DOCK3: variants seen among roughly 807,000 people sequenced by gnomAD.
DOCK3 encodes dedicator of cytokinesis 3, also known as dedicator of cytokinesis protein 3.
A neutral mutation model predicts 265.6 loss-of-function variants in DOCK3; 60 were observed. The ratio of observed to expected loss-of-function variants is 0.23; its 90% confidence interval spans 0.18 to 0.28. The LOEUF (loss-of-function observed/expected upper bound fraction) is 0.28. Ranked by LOEUF, DOCK3 falls within the 10% of genes least tolerant of loss-of-function variation. The pLI is 1.00. For missense variants in DOCK3, 1,981 were observed against 2,594.3 expected (o/e 0.76, Z 5.14); for synonymous variants, 881 against 938.0 (o/e 0.94, Z 1.11).
intron 5 of DOCK3, among the ~76,000 whole-genome samples, chr3:51,006,540 A>G (rs549222516): frequency 2.0e-5 from 3 of 152,280 alleles, no homozygotes; most frequent in Admixed American, 2.0e-4. Flanking sequence ...CTCCTTGAAA[A>G]GATTGAGTCT....
chr3:50,849,351 T>C (rs376649478), intron 3 of DOCK3, among the ~76,000 whole-genome samples: 30 of 150,730 alleles, frequency 2.0e-4, no homozygotes, highest in Non-Finnish European at 3.4e-4. Flanking sequence ...TATACATATA[T>C]ACACACACAC....
At chr3:51,314,147 A>G (rs1403813340) in intron 31 of DOCK3, among the ~76,000 whole-genome samples, 1 of 152,076 alleles carries the variant, frequency 6.6e-6, no homozygotes, top group Non-Finnish European at 1.5e-5. Context: ...AAGATGGTTC[A>G]CTCTGTTTTA....
intron 12 of DOCK3, among the ~76,000 whole-genome samples, chr3:51,163,242 G>A (rs2086218859): frequency 6.6e-6 from 1 of 152,108 alleles, no homozygotes; most frequent in Admixed American, 6.6e-5. Flanking sequence ...GCAAATATCC[G>A]ATTAGTTGTT....
chr3:51,067,008 C>A (rs1459043997), intron 6 of DOCK3, among the ~76,000 whole-genome samples: 3 of 152,122 alleles, frequency 2.0e-5, no homozygotes, highest in Non-Finnish European at 4.4e-5. Context: ...TACAGCATAG[C>A]TACTAATTCT....
chr3:51,186,340 G>C (rs923865226), intron 12 of DOCK3, among the ~76,000 whole-genome samples: 1 of 152,192 alleles, frequency 6.6e-6, no homozygotes, highest in Non-Finnish European at 1.5e-5. Flanking sequence ...GTATCTGGTG[G>C]AGGAAATTTC....
At chr3:51,203,070 G>T (rs182005109) in intron 12 of DOCK3, among the ~76,000 whole-genome samples, 7 of 152,206 alleles carry the variant, frequency 4.6e-5, no homozygotes, top group Admixed American at 4.6e-4. Flanking sequence ...CATATTGAAC[G>T]GGCAAAAACT....
chr3:51,252,861 T>G (rs1360684472), intron 22 of DOCK3, among the ~76,000 whole-genome samples: 6 of 152,212 alleles, frequency 3.9e-5, no homozygotes, highest in Non-Finnish European at 7.3e-5. Flanking sequence ...TATTTCTTTC[T>G]CTTGCCTGAC....
chr3:50,713,784 C>T (rs1000985231), intron 1 of DOCK3, among the ~76,000 whole-genome samples: 1 of 151,916 alleles, frequency 6.6e-6, no homozygotes, highest in Non-Finnish European at 1.5e-5. Context: ...CTTTAGTCAT[C>T]TCCAGTCTGT....
chr3:51,251,152 G>A (rs1576544151), intron 22 of DOCK3, among the ~76,000 whole-genome samples: 1 of 152,172 alleles, frequency 6.6e-6, no homozygotes, highest in Non-Finnish European at 1.5e-5. Context: ...AGTTTGCTCA[G>A]AATGATGGAT....
At chr3:51,239,232 C>G (rs2078487985) in intron 21 of DOCK3, among the ~76,000 whole-genome samples, 1 of 21,366 alleles carries the variant, frequency 4.7e-5, no homozygotes, top group African/African-American at 1.3e-4. Context: ...TATTTAGAGA[C>G]AGAGTCTCAC....
At chr3:50,699,956 A>G (rs1031565359) in intron 1 of DOCK3, among the ~76,000 whole-genome samples, 2 of 152,216 alleles carry the variant, frequency 1.3e-5, no homozygotes, top group Non-Finnish European at 2.9e-5. Flanking sequence ...CACTCCAAAC[A>G]TTGATCATTT....
chr3:50,778,624 T>C, intron 1 of DOCK3, 51 bp from the exon 2 acceptor site: 1 of 1,374,796 alleles, frequency 7.3e-7, no homozygotes, highest in African/African-American at 1.4e-5. Context: ...ACTCTGACCA[T>C]GTCTCAGTGT....
At chr3:50,819,127 G>A (rs192306808) in intron 2 of DOCK3, among the ~76,000 whole-genome samples, 3 of 152,294 alleles carry the variant, frequency 2.0e-5, no homozygotes, top group Admixed American at 2.0e-4. Context: ...TCTTTTTCAT[G>A]TCCTAGTTTA....
In DOCK3 at chr3:50,956,072, T is replaced by G. The variant is rs531676528; in HGVS notation, c.315+21995T>G. Among the ~76,000 whole-genome samples the G allele has an allele frequency of 5.3e-5, 8 of 152,316 alleles. No individual in the cohort carries two copies. In the South Asian group the frequency reaches 8.3e-4, roughly 16 times the overall value. Reference sequence around the variant, plus strand: ...TTTTCTGTGTGCCACATTTTTTTTTTTTTTTAAAATGCTGGTCAGCCACCA... The same window carrying G: ...TTTTCTGTGTGCCACATTTTTTTTTGTTTTTAAAATGCTGGTCAGCCACCA... On this transcript the variant is annotated intron_variant, in intron 5 of 52. Coordinates refer to ENST00000266037, the MANE Select transcript of DOCK3 (RefSeq NM_004947.5).
intron 36 of DOCK3, among the ~76,000 whole-genome samples, chr3:51,338,730 C>A (rs945468891): frequency 2.0e-5 from 3 of 152,228 alleles, no homozygotes; most frequent in Non-Finnish European, 4.4e-5. Flanking sequence ...CCTCTTAACA[C>A]TACCCAGGGC....
intron 3 of DOCK3, among the ~76,000 whole-genome samples, chr3:50,847,233 ACATT>A (rs1203388299): frequency 5.3e-5 from 8 of 152,236 alleles, no homozygotes; most frequent in African/African-American, 1.9e-4. Context: ...TGTTTACCCA[ACATT>A]CATTCAGGAG....
At chr3:51,045,581 GTAA>G (rs1187715871) in intron 5 of DOCK3, among the ~76,000 whole-genome samples, 1 of 152,148 alleles carries the variant, frequency 6.6e-6, no homozygotes, top group Non-Finnish European at 1.5e-5. Flanking sequence ...TGTAAAAACC[GTAA>G]TATCTGTGAA....
At chr3:51,023,926 G>T (rs1300406193) in intron 5 of DOCK3, among the ~76,000 whole-genome samples, 1 of 151,844 alleles carries the variant, frequency 6.6e-6, no homozygotes, top group Non-Finnish European at 1.5e-5. Context: ...GACATTTTGG[G>T]GGTTTTATGG....
intron 5 of DOCK3, among the ~76,000 whole-genome samples, chr3:51,045,721 T>G (rs1252047565): frequency 6.6e-6 from 1 of 152,196 alleles, no homozygotes; most frequent in East Asian, 1.9e-4. Flanking sequence ...GATATCATAC[T>G]TTTGTTTGTA....
Sources: gnomAD v4.1 joint callset for allele counts (sites outside exome capture counted in the v4.1 genomes callset) on GRCh38, gnomAD v4.1.1 for gene constraint, MANE v1.5 for transcripts, NCBI Gene and HGNC (gene_info 2026-07-23, HGNC 2026-07-21) for gene names.